Variants in PTBP3 observed in about 807,000 individuals in gnomAD.
PTBP3 encodes polypyrimidine tract-binding protein 3.
PTBP3 carries 20 observed loss-of-function variants against 58.7 expected under a neutral mutation model. That is an observed-to-expected ratio of 0.34 (90% CI 0.24 to 0.50). The LOEUF is 0.50. Among genes scored for constraint, PTBP3 ranks in the 20% least tolerant of loss-of-function variants. The pLI is 0.98. For missense variants in PTBP3, 509 were observed against 637.2 expected (o/e 0.80, Z 2.17); for synonymous variants, 185 against 219.8 (o/e 0.84, Z 1.40).
rs1340164089 is a variant in PTBP3 at position 112,222,507 on chromosome 9, C to G, written c.*1344G>C. The G allele has an allele frequency of 1.0e-6, 1 of 985,422 alleles. No homozygotes were observed. Among genetic ancestry groups the G allele is most frequent in the Non-Finnish European group, 1.2e-6 (1 of 829,896 alleles). 61.0% of individuals were successfully genotyped at this position (985,422 alleles called of 1,614,324 possible). On this transcript the variant is annotated 3_prime_UTR_variant, in exon 14 of 14. Transcript: ENST00000374257. ...GAAACTGAGATTGCACTCTACAGCCCCAAATTGATATGCAATAACCCCTAT... is the reference window on the plus strand; with the variant it reads ...GAAACTGAGATTGCACTCTACAGCCGCAAATTGATATGCAATAACCCCTAT...
At chr9:112,320,820 C>A (rs1477397133) in intron 1 of PTBP3, among the ~76,000 whole-genome samples, 1 of 151,962 alleles carries the variant, frequency 6.6e-6, no homozygotes, top group Non-Finnish European at 1.5e-5. Context: ...CAAATGGTGC[C>A]GAACTACCTG....
intron 1 of PTBP3, among the ~76,000 whole-genome samples, chr9:112,302,897 AT>A (rs1829009618): frequency 6.6e-6 from 1 of 152,004 alleles, no homozygotes; most frequent in African/African-American, 2.4e-5. Context: ...GCCTGACTAT[AT>A]TCTTCTTAAT....
chr9:112,302,958 TG>T (rs1406868145), intron 1 of PTBP3, among the ~76,000 whole-genome samples: 10 of 152,312 alleles, frequency 6.6e-5, no homozygotes, highest in South Asian at 4.1e-4. Context: ...AAGTTACTCA[TG>T]TTTTTTTTCT....
chr9:112,325,450 C>A (rs2132464979), intron 1 of PTBP3, among the ~76,000 whole-genome samples: 1 of 152,142 alleles, frequency 6.6e-6, no homozygotes, highest in East Asian at 1.9e-4. Context: ...TGAGAGCTCC[C>A]CTTTCGCTTA....
At chr9:112,330,974 T>C (rs1044375478) in intron 1 of PTBP3, among the ~76,000 whole-genome samples, 1 of 152,108 alleles carries the variant, frequency 6.6e-6, no homozygotes, top group African/African-American at 2.4e-5. Context: ...CTAAAATAAA[T>C]ACAAACATCA....
At chr9:112,289,920 G>C (rs1828304566) in intron 2 of PTBP3, among the ~76,000 whole-genome samples, 1 of 152,074 alleles carries the variant, frequency 6.6e-6, no homozygotes, top group African/African-American at 2.4e-5. Flanking sequence ...AGCTTCATAA[G>C]ACATCAATAA....
chr9:112,289,162 GA>G (rs1487143576), intron 2 of PTBP3, among the ~76,000 whole-genome samples: 1 of 152,154 alleles, frequency 6.6e-6, no homozygotes, highest in Non-Finnish European at 1.5e-5. Context: ...TCTTTATAAG[GA>G]GGGGGTATGT....
intron 1 of PTBP3, among the ~76,000 whole-genome samples, chr9:112,298,783 T>C (rs1169331538): frequency 6.6e-6 from 1 of 152,200 alleles, no homozygotes; most frequent in Non-Finnish European, 1.5e-5. Flanking sequence ...ACTTTAGCCT[T>C]TGCTGAAGAA....
chr9:112,321,957 A>C (rs539639260), intron 1 of PTBP3, among the ~76,000 whole-genome samples: 2 of 152,188 alleles, frequency 1.3e-5, no homozygotes, highest in African/African-American at 4.8e-5. Flanking sequence ...AACATGGTGA[A>C]ACCCTGTCTC....
chr9:112,303,355 T>C (rs1452874399), intron 1 of PTBP3, among the ~76,000 whole-genome samples: 2 of 152,200 alleles, frequency 1.3e-5, no homozygotes, highest in Non-Finnish European at 2.9e-5. Flanking sequence ...TCCAGAATGT[T>C]AGTTCATTAA....
At chr9:112,335,743 T>C (rs1238605624), upstream of PTBP3, among the ~76,000 whole-genome samples, 1 of 143,766 alleles carries the variant, frequency 7.0e-6, no homozygotes, top group African/African-American at 2.5e-5. Context: ...GCCAACATGG[T>C]GAAACCCCCC....
At chr9:112,232,893 AT>A (rs974546272) in intron 8 of PTBP3, among the ~76,000 whole-genome samples, 81 of 152,270 alleles carry the variant, frequency 5.3e-4, no homozygotes, top group African/African-American at 1.9e-3. Flanking sequence ...CTTTCCCACT[AT>A]TTTGTGTTCT....
At chr9:112,298,303 C>T (rs1046106160) in intron 1 of PTBP3, among the ~76,000 whole-genome samples, 1 of 152,104 alleles carries the variant, frequency 6.6e-6, no homozygotes. Flanking sequence ...TCAATACCAA[C>T]GTATTTTTTT....
intron 1 of PTBP3, among the ~76,000 whole-genome samples, chr9:112,330,223 T>C (rs1359372961): frequency 2.0e-5 from 3 of 152,194 alleles, no homozygotes; most frequent in Non-Finnish European, 2.9e-5. Flanking sequence ...AAGTGAAACT[T>C]TGGGCTAAAT....
chr9:112,347,816 A>T, the PTBP3 span, among the ~76,000 whole-genome samples: 2 of 152,204 alleles, frequency 1.3e-5, no homozygotes, highest in South Asian at 4.1e-4. Context: ...AGGCAGGGAG[A>T]TGGAATCAAG....
chr9:112,296,724 T>C (rs933356113), intron 2 of PTBP3, among the ~76,000 whole-genome samples: 2 of 152,152 alleles, frequency 1.3e-5, no homozygotes, highest in African/African-American at 2.4e-5. Context: ...TCAAACTCAA[T>C]ATATACAAAT....
chr9:112,290,687 A>AAATAT (rs1554799394), intron 2 of PTBP3, among the ~76,000 whole-genome samples: 1 of 85,010 alleles, frequency 1.2e-5, no homozygotes, highest in African/African-American at 5.9e-5. Context: ...AAAAAAAAAA[A>AAATAT]ATATATATAT....
At chr9:112,231,315 T>C in intron 10 of PTBP3, 65 bp downstream of exon 10, 1 of 1,384,226 alleles carries the variant, frequency 7.2e-7, no homozygotes, top group Non-Finnish European at 9.9e-7. Flanking sequence ...TACATATTAC[T>C]AAAAAAGTGA....
the PTBP3 span, among the ~76,000 whole-genome samples, chr9:112,364,589 C>T: frequency 1.2e-4 from 19 of 152,128 alleles, no homozygotes; most frequent in South Asian, 4.2e-4. Flanking sequence ...GCTATGATCA[C>T]GCCACTGTAC....
Sources: gnomAD v4.1 joint callset for allele counts (sites outside exome capture counted in the v4.1 genomes callset) on GRCh38, gnomAD v4.1.1 for gene constraint, MANE v1.5 for transcripts, NCBI Gene and HGNC (gene_info 2026-07-23, HGNC 2026-07-21) for gene names.